Variants in MAML3 observed in about 807,000 individuals in gnomAD.
The protein encoded by MAML3 is mastermind-like protein 3.
A neutral mutation model predicts 101.9 loss-of-function variants in MAML3; 27 were observed. That is an observed-to-expected ratio of 0.27 (90% CI 0.20 to 0.37). MAML3 has a LOEUF of 0.37. Among genes scored for constraint, MAML3 ranks in the 10% least tolerant of loss-of-function variants. MAML3 has a pLI of 1.00. For missense variants in MAML3, 1,316 were observed against 1,444.9 expected (o/e 0.91, Z 1.45); for synonymous variants, 501 against 555.9 (o/e 0.90, Z 1.39).
intron 1 of MAML3, among the ~76,000 whole-genome samples, chr4:139,968,672 A>T (rs1245386154): frequency 1.3e-5 from 2 of 152,190 alleles, no homozygotes; most frequent in Non-Finnish European, 2.9e-5. Context: ...AGGCACAAGG[A>T]GGTCAAGTAC....
At chr4:139,900,060 C>G (rs1732686857) in intron 1 of MAML3, among the ~76,000 whole-genome samples, 1 of 43,066 alleles carries the variant, frequency 2.3e-5, no homozygotes, top group Non-Finnish European at 7.3e-5. Flanking sequence ...CACCGCGGAG[C>G]CCCCAGCCCA....
chr4:140,103,795 A>C (rs1578686021), intron 1 of MAML3, among the ~76,000 whole-genome samples: 1 of 152,290 alleles, frequency 6.6e-6, no homozygotes, highest in Non-Finnish European at 1.5e-5. Flanking sequence ...CTTCCTGGGC[A>C]CTGCAAGCTG....
At position 139,890,881 on chromosome 4, in the gene MAML3, A is replaced by G. The variant is rs1214108426; in HGVS notation, c.555T>C (p.Phe185=). 6.2e-7 allele frequency: 1 copy of G among 1,613,820 alleles called. No homozygotes were observed. Among genetic ancestry groups the G allele is most frequent in the African/African-American group, 1.3e-5 (1 of 75,050 alleles). The change falls in exon 2 of 5, where the codon TTT becomes TTC. Residue 185 remains phenylalanine (F), a synonymous_variant. Transcript: ENST00000509479. This position sits in a 1 kb window ranked among gnomAD's most constrained non-coding sequence, Gnocchi z 4.1. ...DQQNGACDGN[F]SPTSKRIRKD... ...TTCGAATTCGTTTGCTAGTCGGAGA[A>G]AAATTCCCATCACAAGCACCATTCT...
At chr4:140,028,009 T>C (rs1233059079) in intron 1 of MAML3, among the ~76,000 whole-genome samples, 1 of 152,238 alleles carries the variant, frequency 6.6e-6, no homozygotes, top group Non-Finnish European at 1.5e-5. Flanking sequence ...TGTTCTAGTA[T>C]TTGTTAGCAA....
chr4:139,987,144 A>G (rs1734553525), intron 1 of MAML3, among the ~76,000 whole-genome samples: 1 of 152,232 alleles, frequency 6.6e-6, no homozygotes, highest in South Asian at 2.1e-4. Flanking sequence ...TGTTAAAAAG[A>G]TAAATGGATA....
Position 139,782,811 on chromosome 4 carries a change from T to C in MAML3, c.2080-52144A>G, listed in dbSNP as rs1267897770. On this transcript the variant is annotated intron_variant, in intron 2 of 4. Transcript: ENST00000509479. ...GCCTCTGATGTCAACCCCACAGCTC[T>C]GAGCTGCTGGAACATCTTTGGGGCT... is the stretch of plus-strand genomic sequence containing the variant. Among the ~76,000 whole-genome samples, 5 of 152,206 alleles carry C rather than the reference T, an allele frequency of 3.3e-5. No homozygotes were observed. The South Asian group carries it at 1.0e-3, about 32-fold the overall frequency.
intron 2 of MAML3, among the ~76,000 whole-genome samples, chr4:139,832,078 C>T (rs1282568811): frequency 6.9e-6 from 1 of 145,016 alleles, no homozygotes; most frequent in Admixed American, 7.0e-5. Flanking sequence ...CAGGCGTGAG[C>T]CATCATGCCC....
intron 2 of MAML3, among the ~76,000 whole-genome samples, chr4:139,849,161 A>G (rs1247127236): frequency 6.6e-6 from 1 of 152,236 alleles, no homozygotes; most frequent in Non-Finnish European, 1.5e-5. Flanking sequence ...AATAGTATAT[A>G]TGACTATCCT....
At chr4:140,028,855 G>A (rs948400259) in intron 1 of MAML3, among the ~76,000 whole-genome samples, 4 of 152,052 alleles carry the variant, frequency 2.6e-5, no homozygotes, top group African/African-American at 9.7e-5. Flanking sequence ...TGTAACTCTG[G>A]AACCTCTTTG....
At chr4:139,799,760 C>T (rs961659374) in intron 2 of MAML3, among the ~76,000 whole-genome samples, 1 of 152,156 alleles carries the variant, frequency 6.6e-6, no homozygotes, top group Non-Finnish European at 1.5e-5. Flanking sequence ...TTTGAATCAA[C>T]CAATTCCCTC....
chr4:139,957,738 A>G (rs139730440), intron 1 of MAML3, among the ~76,000 whole-genome samples: 66 of 152,290 alleles, frequency 4.3e-4, no homozygotes, highest in Middle Eastern at 3.4e-3. Flanking sequence ...AATTATTATG[A>G]TCATTTACTT....
At chr4:140,087,772 C>T (rs1411084557) in intron 1 of MAML3, among the ~76,000 whole-genome samples, 1 of 152,186 alleles carries the variant, frequency 6.6e-6, no homozygotes, top group Non-Finnish European at 1.5e-5. Flanking sequence ...TCACTACTCA[C>T]ACTGCCTCTT....
intron 1 of MAML3, among the ~76,000 whole-genome samples, chr4:139,900,391 CACA>C (rs1316849719): frequency 1.3e-5 from 2 of 152,154 alleles, no homozygotes; most frequent in African/African-American, 2.4e-5. Context: ...CAACTGAATG[CACA>C]ACAACATATT....
At chr4:139,771,628 C>T (rs184635311) in intron 2 of MAML3, among the ~76,000 whole-genome samples, 21 of 152,206 alleles carry the variant, frequency 1.4e-4, no homozygotes, top group African/African-American at 1.9e-4. Flanking sequence ...GTTTAGCTGG[C>T]GGAAATAATT....
intron 1 of MAML3, among the ~76,000 whole-genome samples, chr4:139,902,964 C>G (rs186837524): frequency 5.8e-4 from 88 of 152,230 alleles, no homozygotes; most frequent in African/African-American, 2.0e-3. Flanking sequence ...TCATCGTGAT[C>G]CACAGACCTC....
At position 139,725,817 on chromosome 4, in the gene MAML3, G is replaced by C. The variant is rs1338631136; in HGVS notation, c.2350C>G (p.Leu784Val). The C allele has an allele frequency of 1.9e-6, 3 of 1,613,978 alleles. No homozygotes were observed. The highest frequency in any genetic ancestry group is 1.1e-5 in the South Asian group (1 of 91,080). ...TGTGGCTGGAGGTGCTGCCGGGGTA[G>C]ATGTGATTGCTGCAACTGCTAGAAC... ...LAEQQLQQSH[L>V]PRQHLQPQRN... is the part of the protein sequence containing the mutation. The change falls in exon 4 of 5, where the codon CTA becomes GTA. Residue 784 changes from leucine to valine, a missense_variant. Physicochemically the swap from Leu to Val is conservative, Grantham distance 32. Transcript: ENST00000509479.
chr4:140,042,939 C>A (rs1181509925), intron 1 of MAML3, among the ~76,000 whole-genome samples: 1 of 152,096 alleles, frequency 6.6e-6, no homozygotes, highest in African/African-American at 2.4e-5. Context: ...GTCTCAGAGG[C>A]ATTTAGACTT....
At chr4:139,870,983 G>A (rs1731996769) in intron 2 of MAML3, among the ~76,000 whole-genome samples, 1 of 152,190 alleles carries the variant, frequency 6.6e-6, no homozygotes, top group African/African-American at 2.4e-5. Context: ...ATGATGATGA[G>A]TGGGTTTTCA....
intron 1 of MAML3, among the ~76,000 whole-genome samples, chr4:139,909,721 C>A (rs1732882484): frequency 6.6e-6 from 1 of 150,478 alleles, no homozygotes; most frequent in Admixed American, 6.7e-5. Flanking sequence ...CCTATAATCC[C>A]AGCTACTCAG....
Sources: gnomAD v4.1 joint callset for allele counts (sites outside exome capture counted in the v4.1 genomes callset) on GRCh38, gnomAD v4.1.1 for gene constraint, Gnocchi (gnomAD v3.1) non-coding constraint, MANE v1.5 for transcripts, NCBI Gene and HGNC (gene_info 2026-07-23, HGNC 2026-07-21) for gene names.